Variants in PFDN1 observed in about 807,000 individuals in gnomAD.
PFDN1 encodes prefoldin subunit 1, also known as prefoldin 1.
In PFDN1, 6 loss-of-function variants were observed where a neutral mutation model predicts 17.3. The ratio of observed to expected loss-of-function variants is 0.35; its 90% confidence interval spans 0.19 to 0.69. The LOEUF (loss-of-function observed/expected upper bound fraction) is 0.69. Ranked by LOEUF, PFDN1 falls within the 30% of genes least tolerant of loss-of-function variation. The pLI is 0.65. For synonymous variants in PFDN1, 58 were observed against 50.1 expected (o/e 1.16, Z -0.67); for missense variants, 113 against 146.2 (o/e 0.77, Z 1.17).
intron 2 of PFDN1, among the ~76,000 whole-genome samples, chr5:140,291,901 T>A (rs754617912): frequency 5.3e-5 from 8 of 152,182 alleles, no homozygotes; most frequent in Non-Finnish European, 1.2e-4. Context: ...GAGAACTCAC[T>A]GGAATTACTG....
chr5:140,245,393 A>G lies in PFDN1; in HGVS notation c.*581T>C. 1.4e-6 allele frequency: 1 copy of G among 700,316 alleles called. No individual in the cohort carries two copies. Among genetic ancestry groups the G allele is most frequent in the Non-Finnish European group, 2.6e-6 (1 of 383,786 alleles). 43.4% of individuals were successfully genotyped at this position (700,316 alleles called of 1,614,324 possible). On this transcript the variant is annotated 3_prime_UTR_variant, in exon 4 of 4. Coordinates refer to ENST00000261813, the MANE Select transcript of PFDN1 (RefSeq NM_002622.5). ...GGCAGACTGCCATCCAGGGACTGCT[A>G]TTCTGTTCACTGAGATTCAGCTGTG...
intron 3 of PFDN1, among the ~76,000 whole-genome samples, chr5:140,279,509 T>C (rs1765356996): frequency 6.6e-6 from 1 of 151,814 alleles, no homozygotes; most frequent in Non-Finnish European, 1.5e-5. Flanking sequence ...TTTGTGTTTT[T>C]TTTTTTCCCT....
In PFDN1 at chr5:140,288,357, G is replaced by A. The variant is rs550882551; in HGVS notation, c.201-6824C>T. On this transcript the variant is annotated intron_variant, in intron 2 of 3. Coordinates refer to ENST00000261813, the MANE Select transcript of PFDN1 (RefSeq NM_002622.5). ...CCAACTATATGAGATTTCAGAAAAC[G>A]CAAAACTATATATAGAAACAGTAAA... Among the ~76,000 whole-genome samples, 16 of 152,132 alleles carry A rather than the reference G, an allele frequency of 1.1e-4. No individual in the cohort carries two copies. The East Asian group carries it at 2.3e-3, about 22-fold the overall frequency.
intron 3 of PFDN1, among the ~76,000 whole-genome samples, chr5:140,248,973 A>T (rs1764870706): frequency 6.6e-6 from 1 of 152,208 alleles, no homozygotes; most frequent in Non-Finnish European, 1.5e-5. Context: ...TTAAATTTTT[A>T]ATTAGTTTAA....
At chr5:140,260,424 A>G (rs1765047163) in intron 3 of PFDN1, among the ~76,000 whole-genome samples, 1 of 151,974 alleles carries the variant, frequency 6.6e-6, no homozygotes, top group Admixed American at 6.6e-5. Flanking sequence ...AACAGCCAAA[A>G]AGGGGAAAAC....
At chr5:140,290,103 C>T (rs1228076022) in intron 2 of PFDN1, among the ~76,000 whole-genome samples, 4 of 152,148 alleles carry the variant, frequency 2.6e-5, no homozygotes, top group African/African-American at 9.7e-5. Context: ...ATCCCATATC[C>T]ATTTCCTTTT....
chr5:140,259,647 G>C (rs1225345458), intron 3 of PFDN1, among the ~76,000 whole-genome samples: 1 of 152,192 alleles, frequency 6.6e-6, no homozygotes, highest in Non-Finnish European at 1.5e-5. Flanking sequence ...TTGGCCTGTA[G>C]GCATGGTAAA....
chr5:140,292,431 A>G (rs575963802), intron 2 of PFDN1, among the ~76,000 whole-genome samples: 1 of 152,262 alleles, frequency 6.6e-6, no homozygotes, highest in Non-Finnish European at 1.5e-5. Flanking sequence ...TTGTGATCCA[A>G]ATCTTTTTAC....
chr5:140,302,052 G>A (rs1765755930), intron 1 of PFDN1, among the ~76,000 whole-genome samples: 1 of 152,200 alleles, frequency 6.6e-6, no homozygotes, highest in African/African-American at 2.4e-5. Flanking sequence ...AGAAGCAACA[G>A]CTATTTCGGC....
intron 3 of PFDN1, among the ~76,000 whole-genome samples, chr5:140,279,059 A>G (rs1465785521): frequency 6.6e-6 from 1 of 152,204 alleles, no homozygotes; most frequent in Admixed American, 6.5e-5. Context: ...TTATATTACT[A>G]AAGTAGCAAG....
chr5:140,272,774 G>A (rs1461810111), intron 3 of PFDN1, among the ~76,000 whole-genome samples: 2 of 152,132 alleles, frequency 1.3e-5, no homozygotes, highest in Admixed American at 1.3e-4. Flanking sequence ...CAACAAGGAG[G>A]GTTCTGGTTT....
At chr5:140,288,540 A>G (rs1342503127) in intron 2 of PFDN1, among the ~76,000 whole-genome samples, 1 of 152,214 alleles carries the variant, frequency 6.6e-6, no homozygotes, top group African/African-American at 2.4e-5. Flanking sequence ...ACAATAATTT[A>G]TCAATATGTT....
intron 3 of PFDN1, among the ~76,000 whole-genome samples, chr5:140,271,148 C>T (rs1765200371): frequency 6.6e-6 from 1 of 152,062 alleles, no homozygotes; most frequent in Non-Finnish European, 1.5e-5. Context: ...CAGACCTATA[C>T]CAACTCTTCT....
intron 3 of PFDN1, among the ~76,000 whole-genome samples, chr5:140,250,975 C>T (rs1363743336): frequency 1.3e-5 from 2 of 151,982 alleles, no homozygotes; most frequent in Non-Finnish European, 2.9e-5. Context: ...TGCTCTGTTG[C>T]CTAAGGTAGA....
chr5:140,295,210 T>G (rs1765634888), intron 2 of PFDN1, among the ~76,000 whole-genome samples: 1 of 152,108 alleles, frequency 6.6e-6, no homozygotes, highest in African/African-American at 2.4e-5. Context: ...TGACATTTAT[T>G]CTAATGATGG....
chr5:140,281,913 T>C (rs1765408524), intron 2 of PFDN1: 1 of 172,932 alleles, frequency 5.8e-6, no homozygotes, highest in African/African-American at 2.5e-5. Context: ...TTGGGCACAG[T>C]GGCTCACACC....
chr5:140,246,133 A>G, intron 3 of PFDN1, 76 bp from the exon 4 acceptor site: 3 of 877,010 alleles, frequency 3.4e-6, no homozygotes, highest in Non-Finnish European at 3.8e-6. Context: ...TTGATGTCCA[A>G]TGGTTATGGC....
intron 3 of PFDN1, among the ~76,000 whole-genome samples, chr5:140,266,185 C>T (rs138095107): frequency 5.9e-5 from 9 of 152,208 alleles, no homozygotes; most frequent in Non-Finnish European, 1.0e-4. Flanking sequence ...CCCAAAACTT[C>T]AGTTTTTCCA....
At chr5:140,264,602 G>A (rs1256747987) in intron 3 of PFDN1, among the ~76,000 whole-genome samples, 1 of 152,084 alleles carries the variant, frequency 6.6e-6, no homozygotes, top group Admixed American at 6.5e-5. Context: ...ACTTTGGGAG[G>A]CTGAAGTGGG....
Sources: allele counts gnomAD v4.1 joint callset (sites outside exome capture counted in the v4.1 genomes callset), GRCh38; gene constraint gnomAD v4.1.1; transcripts MANE v1.5; gene names NCBI Gene and HGNC (gene_info 2026-07-23, HGNC 2026-07-21).